GPC5: variants seen among roughly 807,000 people sequenced by gnomAD.
GPC5 encodes the protein glypican-5.
In GPC5, 47 loss-of-function variants were observed where a neutral mutation model predicts 53.9. That is an observed-to-expected ratio of 0.87 (90% CI 0.69 to 1.11). The LOEUF (loss-of-function observed/expected upper bound fraction) is 1.11, where lower values mean the gene tolerates loss of function less well. GPC5 is among the 50% of genes most tolerant of loss of function. The pLI is 0.00. For missense variants in GPC5, 748 were observed against 713.1 expected (o/e 1.05, Z -0.56); for synonymous variants, 286 against 263.3 (o/e 1.09, Z -0.84).
chr13:91,715,557 T>C (rs1031970626), intron 3 of GPC5, among the ~76,000 whole-genome samples: 3 of 152,178 alleles, frequency 2.0e-5, no homozygotes, highest in African/African-American at 4.8e-5. Flanking sequence ...AGGTTGGGTC[T>C]TGGCCAGCTT....
intron 2 of GPC5, among the ~76,000 whole-genome samples, chr13:91,610,557 G>A (rs1594327902): frequency 6.6e-6 from 1 of 152,144 alleles, no homozygotes; most frequent in Non-Finnish European, 1.5e-5. Flanking sequence ...TCATCAGTGT[G>A]TCTCACTCTG....
intron 7 of GPC5, among the ~76,000 whole-genome samples, chr13:92,329,312 G>A (rs541814046): frequency 6.6e-6 from 1 of 152,284 alleles, no homozygotes; most frequent in East Asian, 1.9e-4. Context: ...TGAAGCTAAA[G>A]CAGGTACATC....
intron 2 of GPC5, among the ~76,000 whole-genome samples, chr13:91,522,865 T>C (rs1356107151): frequency 6.6e-6 from 1 of 152,202 alleles, no homozygotes; most frequent in Non-Finnish European, 1.5e-5. Context: ...TTTGGCTGCA[T>C]AGTATTCCAT....
chr13:92,315,753 A>G (rs1050840821), intron 7 of GPC5, among the ~76,000 whole-genome samples: 5 of 152,222 alleles, frequency 3.3e-5, no homozygotes, highest in East Asian at 1.9e-4. Flanking sequence ...TAGTAAATGT[A>G]TAAGGACTCT....
intron 7 of GPC5, among the ~76,000 whole-genome samples, chr13:92,335,120 G>C (rs2043313390): frequency 6.6e-6 from 1 of 152,142 alleles, no homozygotes; most frequent in Non-Finnish European, 1.5e-5. Flanking sequence ...CCATAGCAGA[G>C]GTTCTCCATG....
chr13:91,418,496 A>G (rs1330592679), intron 1 of GPC5, among the ~76,000 whole-genome samples: 1 of 152,200 alleles, frequency 6.6e-6, no homozygotes, highest in Admixed American at 6.5e-5. Flanking sequence ...TTGATTCTGC[A>G]GGAAAGAAAA....
At position 92,688,015 on chromosome 13, in the gene GPC5, T is replaced by G; in HGVS notation, c.1562-178267T>G. The stretch of plus-strand genomic sequence containing the variant: ...CATCAATGTTCATCAAGGATATTGG[T>G]CTAAAATTCTCTTTTTTGGTTGTGT... On this transcript the variant is annotated intron_variant, in intron 7 of 7. Coordinates refer to ENST00000377067, the MANE Select transcript of GPC5 (RefSeq NM_004466.6). 2.5e-5 allele frequency among the ~76,000 whole-genome samples: 2 copies of G among 80,806 alleles called. 1 individual carries two copies. Among genetic ancestry groups the G allele is most frequent in the Non-Finnish European group, 4.2e-5 (2 of 47,576 alleles). The allele number at this position is 80,806 out of a possible 152,430, so 53.0% of individuals were successfully genotyped here. A position where few individuals can be genotyped will look rare whatever the true frequency, so the allele number is the denominator to read the frequency against.
At chr13:92,176,688 T>C (rs1394946462) in intron 7 of GPC5, among the ~76,000 whole-genome samples, 2 of 152,130 alleles carry the variant, frequency 1.3e-5, no homozygotes, top group Admixed American at 1.3e-4. Flanking sequence ...AATCCCACCA[T>C]TTTTGAACCT....
At chr13:91,751,641 C>T (rs1007095101) in intron 4 of GPC5, among the ~76,000 whole-genome samples, 19 of 152,172 alleles carry the variant, frequency 1.2e-4, no homozygotes, top group Non-Finnish European at 2.1e-4. Context: ...CAAACAAGTC[C>T]GATGACCAAA....
At chr13:92,237,763 T>C (rs960034042) in intron 7 of GPC5, among the ~76,000 whole-genome samples, 8 of 152,116 alleles carry the variant, frequency 5.3e-5, no homozygotes, top group African/African-American at 1.7e-4. Flanking sequence ...ACTACCACAA[T>C]AAATTTTAGA....
At chr13:91,422,348 C>G (rs1878696092) in intron 1 of GPC5, among the ~76,000 whole-genome samples, 1 of 152,092 alleles carries the variant, frequency 6.6e-6, no homozygotes, top group South Asian at 2.1e-4. Context: ...AAAGAAAACA[C>G]ATTTAGGCTG....
intron 2 of GPC5, among the ~76,000 whole-genome samples, chr13:91,689,186 T>TATAA (rs1444604383): frequency 1.1e-3 from 22 of 19,186 alleles, no homozygotes; most frequent in African/African-American, 4.6e-3. Flanking sequence ...CATATATAAA[T>TATAA]ATATATATAT....
intron 2 of GPC5, among the ~76,000 whole-genome samples, chr13:91,587,357 G>A (rs952352393): frequency 2.0e-5 from 3 of 152,066 alleles, no homozygotes; most frequent in Non-Finnish European, 4.4e-5. Flanking sequence ...TCTGACAAAT[G>A]ATCTAAGCAT....
chr13:91,490,160 G>C (rs1189263011), intron 2 of GPC5, among the ~76,000 whole-genome samples: 4 of 152,152 alleles, frequency 2.6e-5, no homozygotes, highest in Non-Finnish European at 5.9e-5. Flanking sequence ...TAATTGGAGA[G>C]GGGATGGGTT....
At chr13:92,732,373 A>G (rs1888831675) in intron 7 of GPC5, among the ~76,000 whole-genome samples, 1 of 151,592 alleles carries the variant, frequency 6.6e-6, no homozygotes, top group Non-Finnish European at 1.5e-5. Flanking sequence ...TGAACACCAA[A>G]TATTTTAATG....
chr13:92,285,458 G>C (rs1594068190), intron 7 of GPC5, among the ~76,000 whole-genome samples: 1 of 152,256 alleles, frequency 6.6e-6, no homozygotes, highest in East Asian at 1.9e-4. Flanking sequence ...AAAGAACAAA[G>C]CTGGAGGCAT....
intron 7 of GPC5, among the ~76,000 whole-genome samples, chr13:92,306,624 G>T (rs775309220): frequency 6.6e-6 from 1 of 152,188 alleles, no homozygotes; most frequent in African/African-American, 2.4e-5. Flanking sequence ...GGTGGCCCCA[G>T]AGGGCCTTAC....
chr13:92,608,436 T>C (rs954923188), intron 7 of GPC5, among the ~76,000 whole-genome samples: 3 of 152,212 alleles, frequency 2.0e-5, no homozygotes, highest in Non-Finnish European at 2.9e-5. Context: ...AACAGTATCC[T>C]ATAATGGTAG....
At chr13:92,005,001 T>G (rs1036186816) in intron 6 of GPC5, among the ~76,000 whole-genome samples, 4 of 152,128 alleles carry the variant, frequency 2.6e-5, no homozygotes, top group Non-Finnish European at 5.9e-5. Flanking sequence ...CCACCCAAAT[T>G]GAGGGTGGGT....
Sources: gnomAD v4.1 joint callset for allele counts (sites outside exome capture counted in the v4.1 genomes callset) on GRCh38, gnomAD v4.1.1 for gene constraint, MANE v1.5 for transcripts, NCBI Gene and HGNC (gene_info 2026-07-23, HGNC 2026-07-21) for gene names.